Variants in ZNF804A observed in about 807,000 individuals in gnomAD.
ZNF804A encodes the protein zinc finger protein 804A.
A neutral mutation model predicts 16.5 loss-of-function variants in ZNF804A; 2 were observed. The ratio of observed to expected loss-of-function variants is 0.12; its 90% CI spans 0.05 to 0.38. The LOEUF (loss-of-function observed/expected upper bound fraction) is 0.38, where lower values mean the gene tolerates loss of function less well. Ranked by LOEUF, ZNF804A falls within the 10% of genes least tolerant of loss-of-function variation. The pLI, the probability that ZNF804A is intolerant of heterozygous loss-of-function variation, is 0.99. For synonymous variants in ZNF804A, 534 were observed against 489.6 expected (o/e 1.09, Z -1.20); for missense variants, 1,473 against 1,390.7 (o/e 1.06, Z -0.94).
intron 1 of ZNF804A, among the ~76,000 whole-genome samples, chr2:184,769,294 G>A (rs562082074): frequency 7.9e-5 from 12 of 151,986 alleles, no homozygotes; most frequent in Non-Finnish European, 1.5e-4. Flanking sequence ...ACAGGCTCCC[G>A]AGAACCTACA....
At chr2:184,672,964 G>T (rs753082903) in intron 1 of ZNF804A, among the ~76,000 whole-genome samples, 1 of 152,030 alleles carries the variant, frequency 6.6e-6, no homozygotes, top group Non-Finnish European at 1.5e-5. Flanking sequence ...GGCCAGGCTG[G>T]TCTTGAACTC....
At chr2:184,763,456 A>G (rs542820070) in intron 1 of ZNF804A, among the ~76,000 whole-genome samples, 1 of 152,004 alleles carries the variant, frequency 6.6e-6, no homozygotes, top group Admixed American at 6.6e-5. Context: ...TTCTTTAAAT[A>G]TTACTACTAA....
chr2:184,853,843 A>T (rs1370151979), intron 1 of ZNF804A, among the ~76,000 whole-genome samples: 3 of 147,862 alleles, frequency 2.0e-5, no homozygotes, highest in Non-Finnish European at 4.5e-5. Context: ...TTGATATTAC[A>T]GGGATAGTAA....
intron 1 of ZNF804A, among the ~76,000 whole-genome samples, chr2:184,724,043 T>C (rs1574181113): frequency 6.6e-6 from 1 of 151,734 alleles, no homozygotes; most frequent in East Asian, 1.9e-4. Context: ...AGTTGTTATA[T>C]ATCTCTTATA....
intron 1 of ZNF804A, among the ~76,000 whole-genome samples, chr2:184,669,900 G>A (rs1241523495): frequency 2.0e-5 from 3 of 151,854 alleles, no homozygotes; most frequent in Non-Finnish European, 4.4e-5. Flanking sequence ...TTTGTAAGCC[G>A]GCAATTTTTT....
At chr2:184,879,452 C>T (rs1684771379) in intron 2 of ZNF804A, among the ~76,000 whole-genome samples, 1 of 151,892 alleles carries the variant, frequency 6.6e-6, no homozygotes, top group Admixed American at 6.6e-5. Flanking sequence ...ATCAAACACA[C>T]ATCAGAAAGC....
chr2:184,616,012 C>A (rs1480017546), intron 1 of ZNF804A, among the ~76,000 whole-genome samples: 3 of 152,212 alleles, frequency 2.0e-5, no homozygotes, highest in African/African-American at 7.2e-5. Context: ...CCTGATTCAA[C>A]AGGGTCACCT....
At chr2:184,625,183 C>A (rs1235512429) in intron 1 of ZNF804A, among the ~76,000 whole-genome samples, 1 of 151,892 alleles carries the variant, frequency 6.6e-6, no homozygotes, top group East Asian at 1.9e-4. Context: ...TGGGTTTTTC[C>A]CCTCTAGTAG....
intron 1 of ZNF804A, among the ~76,000 whole-genome samples, chr2:184,708,606 A>G (rs1444334928): frequency 3.3e-5 from 5 of 152,188 alleles, no homozygotes; most frequent in Non-Finnish European, 5.9e-5. Flanking sequence ...CAGAAGATAC[A>G]TATACAAATA....
intron 2 of ZNF804A, among the ~76,000 whole-genome samples, chr2:184,889,581 T>G (rs990721167): frequency 1.3e-5 from 2 of 151,880 alleles, no homozygotes; most frequent in Non-Finnish European, 2.9e-5. Context: ...ATTAAAGCTG[T>G]AGTATATTAA....
intron 1 of ZNF804A, among the ~76,000 whole-genome samples, chr2:184,692,259 A>G (rs1412625155): frequency 6.6e-6 from 1 of 152,192 alleles, no homozygotes. Flanking sequence ...TTCAGCACTT[A>G]GATTTTATTA....
intron 1 of ZNF804A, among the ~76,000 whole-genome samples, chr2:184,764,083 A>C (rs1694082250): frequency 6.6e-6 from 1 of 152,118 alleles, no homozygotes; most frequent in Non-Finnish European, 1.5e-5. Context: ...TATTTTTTTA[A>C]AGGATTGAAT....
intron 1 of ZNF804A, among the ~76,000 whole-genome samples, chr2:184,745,144 A>T (rs115082372): frequency 0.047 from 7,165 of 151,894 alleles, 228 homozygotes; most frequent in South Asian, 0.074. Context: ...CTATTTTTAC[A>T]TGTATAGCAC....
intron 1 of ZNF804A, among the ~76,000 whole-genome samples, chr2:184,849,516 A>C (rs1695571101): frequency 6.6e-6 from 1 of 152,086 alleles, no homozygotes; most frequent in African/African-American, 2.4e-5. Flanking sequence ...GAGAACTGTA[A>C]ATCAAAACCA....
chr2:184,906,592 T>G (rs1157057687), intron 2 of ZNF804A, among the ~76,000 whole-genome samples: 1 of 152,090 alleles, frequency 6.6e-6, no homozygotes, highest in Non-Finnish European at 1.5e-5. Flanking sequence ...TGAGCCACCA[T>G]GCCTGGAACA....
chr2:184,908,805 C>T (rs530663644), intron 2 of ZNF804A, among the ~76,000 whole-genome samples: 4 of 152,160 alleles, frequency 2.6e-5, no homozygotes, highest in Non-Finnish European at 4.4e-5. Context: ...AACTGAGTTA[C>T]GCTCAGAATG....
intron 2 of ZNF804A, among the ~76,000 whole-genome samples, chr2:184,894,331 T>G (rs1685033010): frequency 6.6e-6 from 1 of 152,184 alleles, no homozygotes; most frequent in Non-Finnish European, 1.5e-5. Flanking sequence ...TTTATTAAAT[T>G]TAAATGCTAC....
At chr2:184,677,159 A>G (rs182956530) in intron 1 of ZNF804A, among the ~76,000 whole-genome samples, 4 of 152,102 alleles carry the variant, frequency 2.6e-5, no homozygotes, top group Admixed American at 2.6e-4. Context: ...AATGTGCTTA[A>G]ACTGTATAGG....
At chr2:184,752,111 C>T (rs1693885715) in intron 1 of ZNF804A, among the ~76,000 whole-genome samples, 1 of 151,570 alleles carries the variant, frequency 6.6e-6, no homozygotes. Flanking sequence ...TCCTTCAACC[C>T]AGCAATTGGA....
Sources: gnomAD v4.1 joint callset for allele counts (sites outside exome capture counted in the v4.1 genomes callset) on GRCh38, gnomAD v4.1.1 for gene constraint, MANE v1.5 for transcripts, NCBI Gene and HGNC (gene_info 2026-07-23, HGNC 2026-07-21) for gene names.